Variants in SLC4A4 observed in about 807,000 individuals in gnomAD.
SLC4A4 encodes electrogenic sodium bicarbonate cotransporter 1.
SLC4A4 carries 27 observed loss-of-function variants against 111.5 expected under a neutral mutation model. The ratio of observed to expected loss-of-function variants is 0.24; its 90% CI spans 0.18 to 0.33. SLC4A4 has a LOEUF of 0.33. Ranked by LOEUF, SLC4A4 falls within the 10% of genes least tolerant of loss-of-function variation. SLC4A4 has a pLI of 1.00. For synonymous variants in SLC4A4, 443 were observed against 463.4 expected (o/e 0.96, Z 0.57); for missense variants, 909 against 1,315.5 (o/e 0.69, Z 4.78).
rs1724631430 is a variant in SLC4A4 at position 71,440,640 on chromosome 4, T to A, written c.832T>A (p.Leu278Met). 6.2e-7 allele frequency: 1 copy of A among 1,614,096 alleles called. No homozygotes were observed. The highest frequency in any genetic ancestry group is 8.5e-7 in the Non-Finnish European group (1 of 1,180,002). Residue 278 changes from leucine (L) to methionine (M), a missense_variant, in exon 8 of 26, where the codon TTG becomes ATG. Leu to Met is a conservative substitution (Grantham distance 15). Coordinates refer to ENST00000264485, the MANE Select transcript of SLC4A4 (RefSeq NM_001098484.3). ...GCTGAAGAATAAGTTCATGAAAAAA[T>A]TGCCACGTGATGCAGAAGCTTCCAA... The part of the protein sequence containing the change: ...DQLKNKFMKK[L>M]PRDAEASNVL...
intron 1 of SLC4A4, among the ~76,000 whole-genome samples, chr4:71,074,824 C>T (rs942690675): frequency 6.6e-6 from 1 of 152,218 alleles, no homozygotes; most frequent in African/African-American, 2.4e-5. Flanking sequence ...ATGAGTTGCT[C>T]AGCAGGGACT....
intron 16 of SLC4A4, among the ~76,000 whole-genome samples, chr4:71,524,718 T>C (rs1157331746): frequency 6.6e-6 from 1 of 152,136 alleles, no homozygotes; most frequent in Non-Finnish European, 1.5e-5. Context: ...TTAGGGTATT[T>C]TGGTGCCTTT....
At chr4:71,173,815 T>C (rs1027153764) in intron 2 of SLC4A4, among the ~76,000 whole-genome samples, 6 of 152,144 alleles carry the variant, frequency 3.9e-5, no homozygotes, top group Non-Finnish European at 7.4e-5. Context: ...GGAGTTCTGA[T>C]AGACATATAG....
intron 12 of SLC4A4, among the ~76,000 whole-genome samples, chr4:71,458,508 A>T (rs1726502610): frequency 6.6e-6 from 1 of 152,036 alleles, no homozygotes; most frequent in Admixed American, 6.6e-5. Flanking sequence ...CAAACCTTTT[A>T]GCAAAAGAAT....
chr4:71,221,582 C>T (rs1718748208), intron 1 of SLC4A4, among the ~76,000 whole-genome samples: 1 of 152,170 alleles, frequency 6.6e-6, no homozygotes, highest in Non-Finnish European at 1.5e-5. Flanking sequence ...AAGCTCTATG[C>T]TATTCTCATG....
intron 15 of SLC4A4, among the ~76,000 whole-genome samples, chr4:71,494,074 T>A (rs1030220568): frequency 5.9e-5 from 9 of 152,002 alleles, no homozygotes; most frequent in African/African-American, 2.2e-4. Flanking sequence ...ACAACTGCAA[T>A]GATCAGCTCT....
intron 20 of SLC4A4, among the ~76,000 whole-genome samples, chr4:71,552,424 C>G (rs1381798363): frequency 6.6e-6 from 1 of 151,704 alleles, no homozygotes; most frequent in Non-Finnish European, 1.5e-5. Context: ...GAAGGTCTCA[C>G]TGCTGTACTG....
chr4:71,158,803 G>A (rs931268954), intron 2 of SLC4A4, among the ~76,000 whole-genome samples: 1 of 152,164 alleles, frequency 6.6e-6, no homozygotes, highest in African/African-American at 2.4e-5. Flanking sequence ...GGTAAAGTAT[G>A]TGTGGGCCAC....
chr4:71,532,154 A>C lies in SLC4A4; in HGVS notation c.2259A>C (p.Leu753=). ...TAGTAGGCGTGGACACCCCAAAACT[A>C]ATTGTGCCAAGTGAGTTCAAGGTAG... The part of the protein sequence containing the change: ...DALVGVDTPK[L]IVPSEFKPTS... Residue 753 remains leucine, a synonymous_variant, in exon 17 of 26, where the codon CTA becomes CTC. Transcript: ENST00000264485. The C allele has an allele frequency of 6.2e-7, 1 of 1,607,812 alleles. No homozygotes were observed. The highest frequency in any genetic ancestry group is 8.5e-7 in the Non-Finnish European group (1 of 1,174,478).
At chr4:71,214,466 A>G (rs924885585) in intron 1 of SLC4A4, among the ~76,000 whole-genome samples, 8 of 152,166 alleles carry the variant, frequency 5.3e-5, no homozygotes, top group African/African-American at 1.4e-4. Flanking sequence ...GACAGGATAT[A>G]TGACCCTTGT....
intron 4 of SLC4A4, among the ~76,000 whole-genome samples, chr4:71,345,826 T>C (rs1290762089): frequency 6.6e-6 from 1 of 152,144 alleles, no homozygotes; most frequent in African/African-American, 2.4e-5. Context: ...ATCATCTATG[T>C]AATCATATAT....
At chr4:71,180,307 TA>T (rs1745247167) in intron 2 of SLC4A4, among the ~76,000 whole-genome samples, 1 of 152,168 alleles carries the variant, frequency 6.6e-6, no homozygotes. Flanking sequence ...ACTTCATGTC[TA>T]AAACACCAAA....
chr4:71,134,851 G>A (rs1321005684), intron 2 of SLC4A4, among the ~76,000 whole-genome samples: 1 of 152,188 alleles, frequency 6.6e-6, no homozygotes, highest in Non-Finnish European at 1.5e-5. Context: ...AGAGCTCAGT[G>A]CTGAATTTTA....
chr4:71,063,064 G>A (rs1483637720), intron 1 of SLC4A4, among the ~76,000 whole-genome samples: 1 of 152,112 alleles, frequency 6.6e-6, no homozygotes. Context: ...GCCAAGAGAA[G>A]AACACACAGA....
intron 1 of SLC4A4, among the ~76,000 whole-genome samples, chr4:71,220,070 G>C (rs1251867980): frequency 6.6e-6 from 1 of 152,204 alleles, no homozygotes; most frequent in African/African-American, 2.4e-5. Flanking sequence ...GGTTTGAGAG[G>C]ATTGACTCCA....
At chr4:71,306,247 G>A (rs557689986) in intron 3 of SLC4A4, among the ~76,000 whole-genome samples, 44 of 151,434 alleles carry the variant, frequency 2.9e-4, no homozygotes, top group African/African-American at 1.0e-3. Flanking sequence ...CTGACCTTGA[G>A]CAGTTAGTTA....
rs564500774 is a variant in SLC4A4, at chr4:71,418,290, C to A, written c.807+20637C>A. 7.2e-5 allele frequency among the ~76,000 whole-genome samples: 11 copies of A among 152,222 alleles called. No homozygotes were observed. The South Asian group carries it at 1.7e-3, about 23-fold the overall frequency. On this transcript the variant is annotated intron_variant, in intron 7 of 25. Coordinates refer to ENST00000264485, the MANE Select transcript of SLC4A4 (RefSeq NM_001098484.3). ...TATTTGGAAGGAAAAATTAGAAAAT[C>A]AAATTTTTACCCTCAGCATTGTTTT...
chr4:71,360,970 C>T (rs550616307), intron 6 of SLC4A4, among the ~76,000 whole-genome samples: 18 of 152,234 alleles, frequency 1.2e-4, no homozygotes, highest in African/African-American at 4.1e-4. Context: ...AGAGCGAGTC[C>T]TGGTAGTACA....
intron 2 of SLC4A4, among the ~76,000 whole-genome samples, chr4:71,095,545 ACTGCGCATTGC>A (rs1742520984): frequency 6.6e-6 from 1 of 152,198 alleles, no homozygotes; most frequent in South Asian, 2.1e-4. Flanking sequence ...CATTTGCTCA[ACTGCGCATTGC>A]CTGCATAGGT....
Sources: allele counts gnomAD v4.1 joint callset (sites outside exome capture counted in the v4.1 genomes callset), GRCh38; gene constraint gnomAD v4.1.1; transcripts MANE v1.5; gene names NCBI Gene and HGNC (gene_info 2026-07-23, HGNC 2026-07-21).